The following NTM variants were observed in gnomAD, a reference collection of about 807,000 sequenced individuals.
NTM encodes the protein IgLON family member 2.
A neutral mutation model predicts 42.1 loss-of-function variants in NTM; 13 were observed. The observed-to-expected ratio is 0.31, with a 90% confidence interval of 0.20 to 0.49. NTM has a LOEUF of 0.49. Ranked by LOEUF, NTM falls within the 20% of genes least tolerant of loss-of-function variation. The pLI is 0.99. For synonymous variants in NTM, 187 were observed against 179.2 expected, an observed-to-expected ratio of 1.04 and a Z score of -0.35; for missense variants, 373 against 452.8, an observed-to-expected ratio of 0.82 and a Z score of 1.60.
chr11:131,478,050 A>G (rs570926513), intron 1 of NTM, among the ~76,000 whole-genome samples: 24 of 152,136 alleles, frequency 1.6e-4, no homozygotes, highest in Non-Finnish European at 3.5e-4. Flanking sequence ...CACTGCTTTC[A>G]TAATAATTCT....
At chr11:132,082,880 G>T (rs1313830328) in intron 2 of NTM, among the ~76,000 whole-genome samples, 1 of 152,182 alleles carries the variant, frequency 6.6e-6, no homozygotes, top group East Asian at 1.9e-4. Flanking sequence ...GTACCAAAAT[G>T]AAACAAAAGC....
intron 4 of NTM, among the ~76,000 whole-genome samples, chr11:132,289,433 A>G (rs1271440894): frequency 2.6e-5 from 4 of 152,272 alleles, no homozygotes; most frequent in Non-Finnish European, 4.4e-5. Flanking sequence ...GACTTTATAC[A>G]TTGCTATACC....
chr11:131,419,897 G>C (rs1947326963), intron 1 of NTM, among the ~76,000 whole-genome samples: 2 of 152,206 alleles, frequency 1.3e-5, no homozygotes, highest in South Asian at 4.1e-4. Flanking sequence ...ACCATTTTTG[G>C]AGCACTCAGC....
intron 1 of NTM, among the ~76,000 whole-genome samples, chr11:131,874,162 C>CTGT (rs2048266037): frequency 2.0e-5 from 3 of 149,186 alleles, no homozygotes; most frequent in African/African-American, 7.4e-5. Flanking sequence ...TGGGCTCCCA[C>CTGT]AGTTCAAGGT....
intron 1 of NTM, among the ~76,000 whole-genome samples, chr11:131,439,255 C>CG (rs1332419954): frequency 2.0e-5 from 3 of 152,158 alleles, no homozygotes; most frequent in African/African-American, 4.8e-5. Flanking sequence ...TTAGGCTACT[C>CG]GGGGGTCAGG....
rs555534306 is a variant in NTM, at chr11:131,647,311, T to C, written c.83-264253T>C. Among the ~76,000 whole-genome samples, 17 of 152,326 alleles carry C rather than the reference T, an allele frequency of 1.1e-4. No homozygotes were observed. In the South Asian group the frequency reaches 2.1e-3, roughly 19 times the overall value. On this transcript the variant is annotated intron_variant, in intron 1 of 8. Coordinates refer to ENST00000683400, the MANE Select transcript of NTM (RefSeq NM_001352005.2). ...AAAGTCGCACCATCAAGGATTTTTG[T>C]AGCTGCGCGGATGGACATCAATAGG...
At chr11:131,817,276 G>C (rs1565588431) in intron 1 of NTM, among the ~76,000 whole-genome samples, 1 of 152,102 alleles carries the variant, frequency 6.6e-6, no homozygotes, top group Non-Finnish European at 1.5e-5. Context: ...CATTACTACT[G>C]TACCTCGAGC....
chr11:132,260,481 A>G (rs1028781056), intron 4 of NTM, among the ~76,000 whole-genome samples: 5 of 152,170 alleles, frequency 3.3e-5, no homozygotes, highest in South Asian at 2.1e-4. Flanking sequence ...TGCTTTGGAC[A>G]GAGGTGCTTC....
At chr11:132,005,152 A>C (rs2135353674) in intron 2 of NTM, among the ~76,000 whole-genome samples, 1 of 152,272 alleles carries the variant, frequency 6.6e-6, no homozygotes, top group Admixed American at 6.5e-5. Context: ...GGAGTCTAAA[A>C]AAATATCACT....
chr11:131,459,045 A>G (rs1951147372), intron 1 of NTM, among the ~76,000 whole-genome samples: 1 of 152,268 alleles, frequency 6.6e-6, no homozygotes, highest in Non-Finnish European at 1.5e-5. Context: ...ACATAAAGGC[A>G]TCTGGCCAGA....
chr11:131,563,784 G>A (rs974743159), intron 1 of NTM, among the ~76,000 whole-genome samples: 4 of 152,000 alleles, frequency 2.6e-5, no homozygotes, highest in Admixed American at 2.0e-4. Flanking sequence ...TAAAAATAGT[G>A]CAAGGCATTG....
intron 2 of NTM, among the ~76,000 whole-genome samples, chr11:131,915,898 G>C (rs367918057): frequency 6.6e-6 from 1 of 152,164 alleles, no homozygotes; most frequent in Admixed American, 6.5e-5. Flanking sequence ...ACAACACATA[G>C]GAATTATGGG....
intron 7 of NTM, among the ~76,000 whole-genome samples, chr11:132,315,558 G>A (rs567924145): frequency 1.3e-5 from 2 of 152,320 alleles, no homozygotes; most frequent in Non-Finnish European, 2.9e-5. Context: ...ATGTTAACAA[G>A]CACTCTTGAA....
intron 1 of NTM, among the ~76,000 whole-genome samples, chr11:131,838,962 C>A (rs1035044487): frequency 1.5e-5 from 2 of 137,096 alleles, no homozygotes; most frequent in South Asian, 2.4e-4. Context: ...AGTAAATAAT[C>A]TTTTTTTTTT....
At chr11:132,248,157 A>G (rs1246197821) in intron 4 of NTM, among the ~76,000 whole-genome samples, 1 of 152,232 alleles carries the variant, frequency 6.6e-6, no homozygotes, top group African/African-American at 2.4e-5. Context: ...TTCAGAATGC[A>G]TTTCGCCAGT....
intron 2 of NTM, among the ~76,000 whole-genome samples, chr11:132,022,441 G>A (rs567100925): frequency 4.6e-5 from 7 of 152,208 alleles, no homozygotes; most frequent in African/African-American, 7.2e-5. Flanking sequence ...TTCAGAGTCC[G>A]CATGATATTC....
intron 1 of NTM, among the ~76,000 whole-genome samples, chr11:131,684,176 C>T (rs2073463073): frequency 6.6e-6 from 1 of 152,144 alleles, no homozygotes; most frequent in African/African-American, 2.4e-5. Context: ...GTGTGTGGGG[C>T]TCTGAGGCAC....
intron 2 of NTM, among the ~76,000 whole-genome samples, chr11:132,062,081 A>G (rs778189679): frequency 1.3e-5 from 2 of 152,190 alleles, no homozygotes; most frequent in Non-Finnish European, 2.9e-5. Context: ...CTTCTGAAGC[A>G]GGTACAGTCA....
At chr11:131,557,055 C>CTTT (rs970811707) in intron 1 of NTM, among the ~76,000 whole-genome samples, 1 of 151,946 alleles carries the variant, frequency 6.6e-6, no homozygotes, top group African/African-American at 2.4e-5. Context: ...TGATTTGTAA[C>CTTT]TTTTTTTCTT....
Sources: allele counts gnomAD v4.1 joint callset (sites outside exome capture counted in the v4.1 genomes callset), GRCh38; gene constraint gnomAD v4.1.1; transcripts MANE v1.5; gene names NCBI Gene and HGNC (gene_info 2026-07-23, HGNC 2026-07-21).